The following PCDHGA5 variants were observed in gnomAD, a reference collection of about 807,000 sequenced individuals.
The protein encoded by PCDHGA5 is protocadherin gamma subfamily A, 5.
Under a neutral mutation model 56.7 loss-of-function variants are expected in PCDHGA5, and 36 were observed. That is an observed-to-expected ratio of 0.64 (90% CI 0.49 to 0.84). The LOEUF (loss-of-function observed/expected upper bound fraction) is 0.84. Ranked by LOEUF, PCDHGA5 falls within the 40% of genes least tolerant of loss-of-function variation. The pLI is 0.00. For missense variants in PCDHGA5, 1,305 were observed against 1,201.5 expected, an observed-to-expected ratio of 1.09 and a Z score of -1.27; for synonymous variants, 563 against 520.2, an observed-to-expected ratio of 1.08 and a Z score of -1.12.
chr5:141,415,482 G>C, intron 1 of PCDHGA5: 1 of 1,614,218 alleles, frequency 6.2e-7, no homozygotes, highest in Non-Finnish European at 8.5e-7. Context: ...ACTCGCGAAA[G>C]AGTCACCTGA....
chr5:141,394,194 A>C (rs919478906), intron 1 of PCDHGA5: 3 of 1,613,842 alleles, frequency 1.9e-6, no homozygotes, highest in Non-Finnish European at 2.5e-6. Flanking sequence ...CTCAGCGTAT[A>C]TCCTAGAGAA....
At chr5:141,478,505 T>C (rs1298083274) in intron 1 of PCDHGA5, 3 of 1,612,032 alleles carry the variant, frequency 1.9e-6, no homozygotes, top group Non-Finnish European at 2.5e-6. Context: ...TCCGGTGTTC[T>C]ATAGGCAGGT....
In PCDHGA5 at chr5:141,432,012, A is replaced by G. The variant is rs756906117; in HGVS notation, c.2422-62795A>G. ...TTGGATAGGGAACAGGTTCCTAGCT[A>G]CAACATCACAGTGACCGCCACTGAC... On this transcript the variant is annotated intron_variant, in intron 1 of 3. Transcript: ENST00000518069. The surrounding 1 kb of genome is among the most constrained non-coding windows in gnomAD (Gnocchi z 6.0). The G allele has an allele frequency of 1.1e-5, 18 of 1,614,056 alleles. No homozygotes were observed. The highest frequency in any genetic ancestry group is 1.3e-5 in the Non-Finnish European group (15 of 1,180,008).
intron 1 of PCDHGA5, chr5:141,404,131 A>G (rs756505012): frequency 1.2e-6 from 2 of 1,613,162 alleles, no homozygotes; most frequent in South Asian, 2.2e-5. Context: ...TATCTTTTAC[A>G]TTAGAAAATT....
rs1409012917 is a variant in PCDHGA5 at position 141,512,928 on chromosome 5, T to A, written c.*1755T>A. On this transcript the variant is annotated 3_prime_UTR_variant, in exon 4 of 4. Transcript: ENST00000518069. ...CAAGTTTTATACTCTAATATTTATA[T>A]GGCTTTTTTTCTTCGACAAAAAAAT... is the stretch of plus-strand genomic sequence containing the variant. 1.3e-5 allele frequency: 2 copies of A among 152,190 alleles called. No individual in the cohort carries two copies. Among genetic ancestry groups the A allele is most frequent in the Non-Finnish European group, 2.9e-5 (2 of 68,044 alleles). The allele number at this position is 152,190 out of a possible 1,614,324, so 9.4% of individuals were successfully genotyped here.
At chr5:141,370,954 A>G (rs1326457567) in intron 1 of PCDHGA5, 2 of 1,613,992 alleles carry the variant, frequency 1.2e-6, no homozygotes, top group Non-Finnish European at 1.7e-6. Context: ...GAGAACCTGG[A>G]TGGCAGTAGG....
intron 1 of PCDHGA5, chr5:141,402,898 T>C: frequency 6.6e-7 from 1 of 1,512,304 alleles, no homozygotes; most frequent in Non-Finnish European, 8.8e-7. Context: ...AGAAAGAACC[T>C]GATGAAGCAG....
chr5:141,430,953 G>A (rs2097330054), intron 1 of PCDHGA5: 1 of 1,611,124 alleles, frequency 6.2e-7, no homozygotes, highest in African/African-American at 1.3e-5. Context: ...CGCGGAGTCC[G>A]CATCATCCCC....
chr5:141,408,965 C>T lies in PCDHGA5; in HGVS notation c.2421+42214C>T, dbSNP rs767484272. The T allele has an allele frequency of 1.5e-5, 25 of 1,613,688 alleles. No homozygotes were observed. The Admixed American group carries it at 4.2e-4, about 27-fold the overall frequency. On this transcript the variant is annotated intron_variant, in intron 1 of 3. Transcript: ENST00000518069. ...ATATAGAATTAGTCTTAGTGAAAATCTGCCCCCTGGGTCCCCTGTGTTGCA... is the reference window on the plus strand; with the variant it reads ...ATATAGAATTAGTCTTAGTGAAAATTTGCCCCCTGGGTCCCCTGTGTTGCA...
At chr5:141,388,972 A>G in intron 1 of PCDHGA5, 1 of 1,614,008 alleles carries the variant, frequency 6.2e-7, no homozygotes, top group Non-Finnish European at 8.5e-7. Context: ...CTGGGAACAC[A>G]TATTGCTTTG....
intron 1 of PCDHGA5, among the ~76,000 whole-genome samples, chr5:141,401,455 A>G (rs1589438348): frequency 6.6e-6 from 1 of 152,256 alleles, no homozygotes; most frequent in East Asian, 1.9e-4. Flanking sequence ...AATCATCCAA[A>G]TAATTTTCTA....
chr5:141,458,933 A>G (rs920768063), intron 1 of PCDHGA5, among the ~76,000 whole-genome samples: 3 of 151,912 alleles, frequency 2.0e-5, no homozygotes, highest in Admixed American at 6.6e-5. Flanking sequence ...GGGTCTCACT[A>G]TGTTGCTTAG....
Position 141,486,814 on chromosome 5 carries a change from C to T in PCDHGA5, c.2422-7993C>T, listed in dbSNP as rs1048351154. On this transcript the variant is annotated intron_variant, in intron 1 of 3. Transcript: ENST00000518069. The surrounding 1 kb of genome is among the most constrained non-coding windows in gnomAD (Gnocchi z 5.0). ...ATCGGGGCAACCCACCCCTTAGCAG[C>T]ACTGTAACAGTTCGTCTATTTGTGC... 1.2e-6 allele frequency: 2 copies of T among 1,614,122 alleles called. No individual in the cohort carries two copies. Among genetic ancestry groups the T allele is most frequent in the Non-Finnish European group, 1.7e-6 (2 of 1,180,052 alleles).
At chr5:141,371,390 A>G in intron 1 of PCDHGA5, 1 of 1,614,000 alleles carries the variant, frequency 6.2e-7, no homozygotes, top group East Asian at 2.2e-5. Flanking sequence ...CATATTGTAA[A>G]GTACAGATAG....
In PCDHGA5 at chr5:141,485,269, C is replaced by T. The variant is rs760197007; in HGVS notation, c.2422-9538C>T. The T allele has an allele frequency of 6.2e-7, 1 of 1,614,090 alleles. No homozygotes were observed. Among genetic ancestry groups the T allele is most frequent in the Admixed American group, 1.7e-5 (1 of 60,028 alleles). On this transcript the variant is annotated intron_variant, in intron 1 of 3. Transcript: ENST00000518069. The surrounding 1 kb of genome is among the most constrained non-coding windows in gnomAD (Gnocchi z 5.7). ...TGGGTTACGTTTGTGGGCAGATCCG[C>T]TACCCGGTCCCAGAGGAGTCACAGG... is the stretch of plus-strand genomic sequence containing the variant.
chr5:141,492,332 G>A (rs2099739439), intron 1 of PCDHGA5, among the ~76,000 whole-genome samples: 1 of 152,204 alleles, frequency 6.6e-6, no homozygotes. Flanking sequence ...GGGCTTACGC[G>A]AATACCAGCT....
rs2091100634 is a variant in PCDHGA5 at position 141,387,811 on chromosome 5, A to C, written c.2421+21060A>C. 4 of 1,528,618 alleles carry C rather than the reference A, an allele frequency of 2.6e-6. No individual in the cohort carries two copies. The South Asian group carries it at 5.1e-5, about 19-fold the overall frequency. 94.7% of individuals were successfully genotyped at this position (1,528,618 alleles called of 1,614,324 possible). ...CAACTAAAGTCCGTTCGGAGATCCA[A>C]AAATCTGCAATACAGAGGTTATTTG... On this transcript the variant is annotated intron_variant, in intron 1 of 3. Transcript: ENST00000518069.
At chr5:141,424,092 C>G (rs1160250641) in intron 1 of PCDHGA5, 2 of 879,256 alleles carry the variant, frequency 2.3e-6, no homozygotes, top group Non-Finnish European at 2.8e-6. Context: ...CCATTATTTG[C>G]TATTACTGCT....
chr5:141,392,915 T>A, intron 1 of PCDHGA5: 2 of 1,613,920 alleles, frequency 1.2e-6, no homozygotes, highest in Non-Finnish European at 1.7e-6. Flanking sequence ...TTCGCTACTC[T>A]GTGCCAGAAG....
Sources: gnomAD v4.1 joint callset for allele counts (sites outside exome capture counted in the v4.1 genomes callset) on GRCh38, gnomAD v4.1.1 for gene constraint, Gnocchi (gnomAD v3.1) non-coding constraint, MANE v1.5 for transcripts, NCBI Gene and HGNC (gene_info 2026-07-23, HGNC 2026-07-21) for gene names.